KIRREL3: variants seen among roughly 807,000 people sequenced by gnomAD.
KIRREL3 encodes the protein kirre like nephrin family adhesion molecule 3, also known as kin of IRRE-like protein 3.
KIRREL3 carries 36 observed loss-of-function variants against 89.7 expected under a neutral mutation model. The observed-to-expected ratio is 0.40, with a 90% CI of 0.31 to 0.53. The LOEUF (loss-of-function observed/expected upper bound fraction) is 0.53, where lower values mean the gene tolerates loss of function less well. Ranked by LOEUF, KIRREL3 falls within the 20% of genes least tolerant of loss-of-function variation. The pLI, the probability that KIRREL3 is intolerant of heterozygous loss-of-function variation, is 0.49. For synonymous variants in KIRREL3, 445 were observed against 441.4 expected (o/e 1.01, Z -0.10); for missense variants, 864 against 1,056.6 (o/e 0.82, Z 2.53).
chr11:126,913,915 C>T (rs1454908503), intron 1 of KIRREL3, among the ~76,000 whole-genome samples: 1 of 152,212 alleles, frequency 6.6e-6, no homozygotes, highest in African/African-American at 2.4e-5. Context: ...CTAGGCAGCA[C>T]ATCTGTCCAT....
In KIRREL3 at chr11:126,771,595, G is replaced by A. The variant is rs1950023494; in HGVS notation, c.56-208683C>T. ...ACCGAAATAGTTTTACCAGGGCAGG[G>A]AGACACTGTCTTTCACATTCAGTGC... is the stretch of plus-strand genomic sequence containing the variant. On this transcript the variant is annotated intron_variant, in intron 1 of 16. Transcript: ENST00000525144. This position sits in a 1 kb window ranked among gnomAD's most constrained non-coding sequence, Gnocchi z 4.4. 6.6e-6 allele frequency among the ~76,000 whole-genome samples: 1 copy of A among 152,178 alleles called. No homozygotes were observed. The highest frequency in any genetic ancestry group is 6.5e-5 in the Admixed American group (1 of 15,280).
intron 1 of KIRREL3, among the ~76,000 whole-genome samples, chr11:126,728,928 G>T (rs144939314): frequency 1.0e-3 from 12 of 11,656 alleles, no homozygotes; most frequent in Non-Finnish European, 2.6e-3. Context: ...GCAGACGCTA[G>T]CTCCAAAGCT....
rs887264716 is a variant in KIRREL3 at position 126,983,799 on chromosome 11, G to A, written c.55+16656C>T. 1.3e-5 allele frequency among the ~76,000 whole-genome samples: 2 copies of A among 152,216 alleles called. No homozygotes were observed. Among genetic ancestry groups the A allele is most frequent in the African/African-American group, 4.8e-5 (2 of 41,534 alleles). On this transcript the variant is annotated intron_variant, in intron 1 of 16. Transcript: ENST00000525144. The surrounding 1 kb of genome is among the most constrained non-coding windows in gnomAD (Gnocchi z 4.9). ...CATTTGTGTTGTTTTAAGCCACTAC[G>A]TCTGTGGTAACATGTTAACAGCAGC...
Position 126,447,498 on chromosome 11 carries a change from G to T in KIRREL3, c.998-612C>A, listed in dbSNP as rs1486625880. On this transcript the variant is annotated intron_variant, in intron 8 of 16. Coordinates refer to ENST00000525144, the MANE Select transcript of KIRREL3 (RefSeq NM_032531.4). ...AGGGTTTCCCACCCGGTGCTCTCAG[G>T]CCACCCTCCTATTACAGCCGTTCCA... Among the ~76,000 whole-genome samples, 5 of 152,188 alleles carry T rather than the reference G, an allele frequency of 3.3e-5. No individual in the cohort carries two copies. In the South Asian group the frequency reaches 1.0e-3, roughly 32 times the overall value.
chr11:126,981,638 T>C lies in KIRREL3; in HGVS notation c.55+18817A>G, dbSNP rs1461529651. Among the ~76,000 whole-genome samples, 1 of 152,172 alleles carries C rather than the reference T, an allele frequency of 6.6e-6. No individual in the cohort carries two copies. The highest frequency in any genetic ancestry group is 1.9e-4 in the East Asian group (1 of 5,194). On this transcript the variant is annotated intron_variant, in intron 1 of 16. Coordinates refer to ENST00000525144, the MANE Select transcript of KIRREL3 (RefSeq NM_032531.4). The surrounding 1 kb of genome is among the most constrained non-coding windows in gnomAD (Gnocchi z 4.2). ...TTATGGCACTGTTAAAACCACACAT[T>C]TGGGTGTCGGAGGAGGTCTCAGCCA...
chr11:126,533,267 G>C (rs1958997964), intron 2 of KIRREL3, among the ~76,000 whole-genome samples: 1 of 152,204 alleles, frequency 6.6e-6, no homozygotes, highest in Non-Finnish European at 1.5e-5. Context: ...GAAGGGATAT[G>C]AGCCCAGCAG....
Position 126,594,880 on chromosome 11 carries a change from G to A in KIRREL3, c.56-31968C>T, listed in dbSNP as rs1942319287. Among the ~76,000 whole-genome samples, 1 of 152,248 alleles carries A rather than the reference G, an allele frequency of 6.6e-6. No homozygotes were observed. Among genetic ancestry groups the A allele is most frequent in the Non-Finnish European group, 1.5e-5 (1 of 68,044 alleles). ...GCATTTCCGCCACGTGCTTCTCAGC[G>A]TTTTGCCCCAGTTGGCCTTCCGCCC... On this transcript the variant is annotated intron_variant, in intron 1 of 16. Coordinates refer to ENST00000525144, the MANE Select transcript of KIRREL3 (RefSeq NM_032531.4). The surrounding 1 kb of genome is among the most constrained non-coding windows in gnomAD (Gnocchi z 5.0).
intron 1 of KIRREL3, among the ~76,000 whole-genome samples, chr11:126,678,971 A>G (rs1946329126): frequency 1.3e-5 from 2 of 152,224 alleles, no homozygotes. Flanking sequence ...CCTGCTCCTG[A>G]AGAGCTGAGC....
At chr11:126,458,952 C>T (rs562285555) in intron 6 of KIRREL3, among the ~76,000 whole-genome samples, 8 of 152,306 alleles carry the variant, frequency 5.3e-5, no homozygotes, top group Non-Finnish European at 7.4e-5. Context: ...GCAGGGCTGG[C>T]TGGCTGATCT....
intron 1 of KIRREL3, among the ~76,000 whole-genome samples, chr11:126,922,930 C>T (rs1307645996): frequency 1.3e-5 from 2 of 152,222 alleles, no homozygotes; most frequent in African/African-American, 2.4e-5. Flanking sequence ...TGCGAAGGGC[C>T]TCATGACTCT....
At position 126,666,641 on chromosome 11, in the gene KIRREL3, A is replaced by G. The variant is rs1469408606; in HGVS notation, c.56-103729T>C. Among the ~76,000 whole-genome samples, 1 of 152,212 alleles carries G rather than the reference A, an allele frequency of 6.6e-6. No individual in the cohort carries two copies. Among genetic ancestry groups the G allele is most frequent in the Non-Finnish European group, 1.5e-5 (1 of 68,040 alleles). Reference sequence around the variant, plus strand: ...GCCTGCTTGTCGAGTCTGTTTACCAACTTGGCTTATTTTTTTACTGCATGA... The same window carrying G: ...GCCTGCTTGTCGAGTCTGTTTACCAGCTTGGCTTATTTTTTTACTGCATGA... On this transcript the variant is annotated intron_variant, in intron 1 of 16. Transcript: ENST00000525144. This position sits in a 1 kb window ranked among gnomAD's most constrained non-coding sequence, Gnocchi z 4.2.
At position 126,843,003 on chromosome 11, in the gene KIRREL3, T is replaced by G. The variant is rs1944017084; in HGVS notation, c.55+157452A>C. ...GCCTTTACTTGGTGCTGTGAGGAAC[T>G]TGTGAGTTCTGAGTTCATCTGATCC... On this transcript the variant is annotated intron_variant, in intron 1 of 16. Coordinates refer to ENST00000525144, the MANE Select transcript of KIRREL3 (RefSeq NM_032531.4). The surrounding 1 kb of genome is among the most constrained non-coding windows in gnomAD (Gnocchi z 4.6). Among the ~76,000 whole-genome samples the G allele has an allele frequency of 1.3e-5, 2 of 152,092 alleles. No individual in the cohort carries two copies.
rs1957099917 is a variant in KIRREL3 at position 126,477,534 on chromosome 11, C to T, written c.434-4068G>A. Among the ~76,000 whole-genome samples the T allele has an allele frequency of 6.6e-6, 1 of 152,218 alleles. No homozygotes were observed. Among genetic ancestry groups the T allele is most frequent in the Non-Finnish European group, 1.5e-5 (1 of 68,034 alleles). Reference sequence around the variant, plus strand: ...GAAGGGTGAGGGTGGGCTTGGGACGCACATCCTGGCTGTAACTGGAGAGGT... The same window carrying T: ...GAAGGGTGAGGGTGGGCTTGGGACGTACATCCTGGCTGTAACTGGAGAGGT... On this transcript the variant is annotated intron_variant, in intron 4 of 16. Coordinates refer to ENST00000525144, the MANE Select transcript of KIRREL3 (RefSeq NM_032531.4). This position sits in a 1 kb window ranked among gnomAD's most constrained non-coding sequence, Gnocchi z 4.8.
At chr11:126,962,694 T>C (rs960146373) in intron 1 of KIRREL3, among the ~76,000 whole-genome samples, 5 of 152,210 alleles carry the variant, frequency 3.3e-5, no homozygotes, top group Non-Finnish European at 5.9e-5. Flanking sequence ...GTGGGTAAAA[T>C]GCTGTCAAAC....
chr11:126,469,958 A>G (rs1452694399), intron 5 of KIRREL3, among the ~76,000 whole-genome samples: 1 of 152,224 alleles, frequency 6.6e-6, no homozygotes, highest in African/African-American at 2.4e-5. Flanking sequence ...GCCTGAGGTT[A>G]TGCAGTGGAA....
chr11:126,752,265 A>G lies in KIRREL3; in HGVS notation c.56-189353T>C, dbSNP rs924573042. On this transcript the variant is annotated intron_variant, in intron 1 of 16. Coordinates refer to ENST00000525144, the MANE Select transcript of KIRREL3 (RefSeq NM_032531.4). The surrounding 1 kb of genome is among the most constrained non-coding windows in gnomAD (Gnocchi z 4.8). Reference sequence around the variant, plus strand: ...TATTCTCTTAAACCAATAGTTGTCTATGGGTCTTGGGTTTTGAAACTATCA... The same window carrying G: ...TATTCTCTTAAACCAATAGTTGTCTGTGGGTCTTGGGTTTTGAAACTATCA... Among the ~76,000 whole-genome samples the G allele has an allele frequency of 3.3e-5, 5 of 152,098 alleles. No homozygotes were observed. The highest frequency in any genetic ancestry group is 7.4e-5 in the Non-Finnish European group (5 of 68,020).
intron 1 of KIRREL3, among the ~76,000 whole-genome samples, chr11:126,956,380 C>T (rs901356491): frequency 5.3e-5 from 8 of 152,154 alleles, no homozygotes; most frequent in Non-Finnish European, 8.8e-5. Context: ...AGTCTCTCCT[C>T]GTCTGAAACT....
Position 126,790,727 on chromosome 11 carries a change from G to A in KIRREL3, c.55+209728C>T, listed in dbSNP as rs7116020. ...GAAAGAGTGATTTCCAACCCTAATC[G>A]CAGACGTGGGAAGAGCCTTGCTGTG... On this transcript the variant is annotated intron_variant, in intron 1 of 16. Coordinates refer to ENST00000525144, the MANE Select transcript of KIRREL3 (RefSeq NM_032531.4). Among the ~76,000 whole-genome samples, 217 of 152,032 alleles carry A rather than the reference G, an allele frequency of 1.4e-3. 1 individual carries two copies. Among genetic ancestry groups the A allele is most frequent in the African/African-American group, 4.6e-3 (191 of 41,456 alleles).
chr11:126,461,500 G>C (rs976658614), intron 6 of KIRREL3, among the ~76,000 whole-genome samples: 10 of 152,138 alleles, frequency 6.6e-5, no homozygotes, highest in Admixed American at 5.9e-4. Flanking sequence ...CCTTGGTACA[G>C]GGGTATGTCG....
Sources: gnomAD v4.1 joint callset for allele counts (sites outside exome capture counted in the v4.1 genomes callset) on GRCh38, gnomAD v4.1.1 for gene constraint, Gnocchi (gnomAD v3.1) non-coding constraint, MANE v1.5 for transcripts, NCBI Gene and HGNC (gene_info 2026-07-23, HGNC 2026-07-21) for gene names.